ESRRG: variants seen among roughly 807,000 people sequenced by gnomAD.
ESRRG encodes estrogen related receptor gamma.
ESRRG carries 13 observed loss-of-function variants against 44.0 expected under a neutral mutation model. The ratio of observed to expected loss-of-function variants is 0.30; its 90% CI spans 0.19 to 0.47. The LOEUF is 0.47. Among genes scored for constraint, ESRRG ranks in the 20% least tolerant of loss-of-function variants. The pLI is 1.00. For synonymous variants in ESRRG, 215 were observed against 214.6 expected, an observed-to-expected ratio of 1.00 and a Z score of -0.02; for missense variants, 395 against 580.6, an observed-to-expected ratio of 0.68 and a Z score of 3.29.
intron 4 of ESRRG, 49 bp from the exon 5 acceptor site, chr1:216,564,429 TCTTTTATAAA>T (rs750224029): frequency 6.8e-7 from 1 of 1,462,384 alleles, no homozygotes; most frequent in Non-Finnish European, 9.2e-7. Context: ...GTATCATCCC[TCTTTTATAAA>T]CCCTAGAGCA....
At chr1:217,013,344 G>A (rs1045154428) in intron 1 of ESRRG, among the ~76,000 whole-genome samples, 1 of 152,334 alleles carries the variant, frequency 6.6e-6, no homozygotes, top group East Asian at 1.9e-4. Flanking sequence ...TTTGAAGACT[G>A]CATTACACTA....
chr1:217,084,143 A>AC (rs1054533116), intron 1 of ESRRG, among the ~76,000 whole-genome samples: 1 of 151,974 alleles, frequency 6.6e-6, no homozygotes, highest in Non-Finnish European at 1.5e-5. Flanking sequence ...TAAAAAAAAA[A>AC]AAAACGAGAA....
At chr1:216,624,366 A>T (rs183567653) in intron 3 of ESRRG, among the ~76,000 whole-genome samples, 24 of 152,310 alleles carry the variant, frequency 1.6e-4, no homozygotes, top group African/African-American at 5.8e-4. Flanking sequence ...CAGCCCTCTA[A>T]GAAACCTGTC....
intron 2 of ESRRG, among the ~76,000 whole-genome samples, chr1:216,779,239 ATATATT>A (rs1559603560): frequency 7.4e-5 from 5 of 67,736 alleles, no homozygotes; most frequent in South Asian, 9.4e-4. Context: ...AAATATAAAT[ATATATT>A]TATATTTATA....
intron 2 of ESRRG, among the ~76,000 whole-genome samples, chr1:216,810,079 CTG>C (rs1321193331): frequency 6.6e-6 from 1 of 152,132 alleles, no homozygotes; most frequent in Admixed American, 6.6e-5. Flanking sequence ...CACCTGCAAA[CTG>C]TTCCTAGGAG....
intron 1 of ESRRG, among the ~76,000 whole-genome samples, chr1:217,031,440 T>C (rs1472390549): frequency 6.6e-6 from 1 of 152,262 alleles, no homozygotes; most frequent in Non-Finnish European, 1.5e-5. Flanking sequence ...TACTTTTTCC[T>C]TGTCTAACTA....
At chr1:216,938,881 C>T (rs558297964) in intron 2 of ESRRG, among the ~76,000 whole-genome samples, 8 of 152,252 alleles carry the variant, frequency 5.3e-5, no homozygotes, top group South Asian at 2.1e-4. Context: ...CTATGATCCT[C>T]GTATGATAGT....
intron 2 of ESRRG, among the ~76,000 whole-genome samples, chr1:216,676,009 G>A (rs1031250708): frequency 3.3e-5 from 5 of 152,118 alleles, no homozygotes; most frequent in Non-Finnish European, 5.9e-5. Flanking sequence ...CCACTGATAT[G>A]TGGGAAGATA....
rs185661483 is a variant in ESRRG at position 216,741,421 on chromosome 1, C to G, written c.-13-63930G>C. Among the ~76,000 whole-genome samples the G allele has an allele frequency of 3.3e-5, 5 of 150,314 alleles. No individual in the cohort carries two copies. The Admixed American group carries it at 3.3e-4, about 10-fold the overall frequency. ...CCAACCTCACAACCCCTTTCTAACA[C>G]TCCCCCCCGCCCCTGCACACACCCC... On this transcript the variant is annotated intron_variant, in intron 2 of 7. Coordinates refer to the ESRRG transcript ENST00000359162.
chr1:216,770,058 G>A (rs989023149), intron 2 of ESRRG, among the ~76,000 whole-genome samples: 2 of 152,052 alleles, frequency 1.3e-5, no homozygotes, highest in Admixed American at 1.3e-4. Flanking sequence ...AGCAAGGGAA[G>A]CTAGGCAAGT....
At chr1:216,589,408 T>A (rs2057264071) in intron 3 of ESRRG, among the ~76,000 whole-genome samples, 1 of 152,126 alleles carries the variant, frequency 6.6e-6, no homozygotes, top group Non-Finnish European at 1.5e-5. Flanking sequence ...TCATTAGTGT[T>A]AGTGTATTTC....
At chr1:217,026,936 G>T (rs2081298736) in intron 1 of ESRRG, among the ~76,000 whole-genome samples, 2 of 150,312 alleles carry the variant, frequency 1.3e-5, no homozygotes, top group South Asian at 2.1e-4. Flanking sequence ...GAGAGAGAGA[G>T]AGAGAGAGAG....
chr1:216,804,564 A>G (rs977650627), intron 2 of ESRRG, among the ~76,000 whole-genome samples: 4 of 152,142 alleles, frequency 2.6e-5, no homozygotes, highest in African/African-American at 7.2e-5. Flanking sequence ...AAATCCTTGT[A>G]TCTTTTTAAA....
chr1:216,883,055 T>C (rs1292446668), intron 2 of ESRRG, among the ~76,000 whole-genome samples: 10 of 152,128 alleles, frequency 6.6e-5, no homozygotes, highest in Non-Finnish European at 1.3e-4. Context: ...CAGAGGCATG[T>C]TAAATCCTAA....
At chr1:217,032,497 T>A (rs746807562) in intron 1 of ESRRG, among the ~76,000 whole-genome samples, 80 of 152,212 alleles carry the variant, frequency 5.3e-4, no homozygotes, top group Non-Finnish European at 9.4e-4. Context: ...ATGGATTTTT[T>A]AAAGTGTTTT....
chr1:216,853,995 T>C (rs1241482034), intron 2 of ESRRG, among the ~76,000 whole-genome samples: 1 of 152,098 alleles, frequency 6.6e-6, no homozygotes, highest in Non-Finnish European at 1.5e-5. Context: ...CCAGACACAA[T>C]GCCATCAATT....
chr1:216,565,111 T>C (rs1313375165), intron 4 of ESRRG, among the ~76,000 whole-genome samples: 1 of 152,210 alleles, frequency 6.6e-6, no homozygotes, highest in South Asian at 2.1e-4. Context: ...CCTTAGTTCA[T>C]TCTCTGGTTC....
At chr1:216,819,425 A>G (rs950075723) in intron 2 of ESRRG, among the ~76,000 whole-genome samples, 1 of 152,194 alleles carries the variant, frequency 6.6e-6, no homozygotes, top group Non-Finnish European at 1.5e-5. Context: ...CCATTCACCC[A>G]AAAGCATTGA....
intron 1 of ESRRG, among the ~76,000 whole-genome samples, chr1:217,022,671 G>C (rs1377702760): frequency 6.6e-6 from 1 of 152,178 alleles, no homozygotes; most frequent in East Asian, 1.9e-4. Context: ...GGTATGTCTA[G>C]TGACTGTAGC....
Sources: gnomAD v4.1 joint callset for allele counts (sites outside exome capture counted in the v4.1 genomes callset) on GRCh38, gnomAD v4.1.1 for gene constraint, MANE v1.5 for transcripts, NCBI Gene and HGNC (gene_info 2026-07-23, HGNC 2026-07-21) for gene names.